The following SMG6 variants were observed in gnomAD, a reference collection of about 807,000 sequenced individuals.
The protein encoded by SMG6 is telomerase-binding protein EST1A.
SMG6 carries 66 observed loss-of-function variants against 142.2 expected under a neutral mutation model. The ratio of observed to expected loss-of-function variants is 0.46; its 90% CI spans 0.38 to 0.57. The LOEUF (loss-of-function observed/expected upper bound fraction) is 0.57. Among genes scored for constraint, SMG6 ranks in the 20% least tolerant of loss-of-function variants. SMG6 has a pLI of 0.00. For synonymous variants in SMG6, 779 were observed against 702.4 expected, an observed-to-expected ratio of 1.11 and a Z score of -1.72; for missense variants, 1,793 against 1,832.0, an observed-to-expected ratio of 0.98 and a Z score of 0.39.
intron 9 of SMG6, among the ~76,000 whole-genome samples, chr17:2,239,727 A>G (rs753553088): frequency 6.6e-6 from 1 of 152,226 alleles, no homozygotes; most frequent in Non-Finnish European, 1.5e-5. Flanking sequence ...AAAGAAAGAA[A>G]AGATTTCTCC....
At chr17:2,282,390 CAAAAAA>C (rs576759563) in intron 8 of SMG6, among the ~76,000 whole-genome samples, 7 of 84,526 alleles carry the variant, frequency 8.3e-5, no homozygotes, top group South Asian at 4.3e-4. Context: ...CAAAAAGCAG[CAAAAAA>C]AAAAAAAAAA....
intron 8 of SMG6, among the ~76,000 whole-genome samples, chr17:2,246,238 T>G (rs1005608289): frequency 2.0e-5 from 3 of 152,186 alleles, no homozygotes; most frequent in Admixed American, 6.5e-5. Context: ...CTAAACCTCC[T>G]TGTCATCTTC....
At chr17:2,188,745 C>G (rs1404897519) in intron 10 of SMG6, among the ~76,000 whole-genome samples, 2 of 152,164 alleles carry the variant, frequency 1.3e-5, no homozygotes, top group Admixed American at 1.3e-4. Context: ...AATTCTACAT[C>G]ACTTTCCCAG....
At chr17:2,118,157 C>G (rs2069564854) in intron 13 of SMG6, among the ~76,000 whole-genome samples, 1 of 152,102 alleles carries the variant, frequency 6.6e-6, no homozygotes, top group Non-Finnish European at 1.5e-5. Context: ...GTGGGAGGAT[C>G]ACTTGAGCCT....
Position 2,065,594 on chromosome 17 carries a change from G to A in SMG6, c.3921C>T (p.Ala1307=). The change falls in exon 17 of 19, where the codon GCC becomes GCT. Residue 1307 remains alanine, a synonymous_variant. Coordinates refer to ENST00000263073, the MANE Select transcript of SMG6 (RefSeq NM_017575.5). ...GCTCGAGGAACTCGATGGACTTGCG[G>A]GCCTTCTCTTGTACCACACGGGCGT... The part of the protein sequence containing the change: ...GGYARVVQEK[A]RKSIEFLEQR... The A allele has an allele frequency of 6.2e-7, 1 of 1,614,114 alleles. No homozygotes were observed. Among genetic ancestry groups the A allele is most frequent in the Non-Finnish European group, 8.5e-7 (1 of 1,180,034 alleles).
At chr17:2,193,010 G>C (rs1433774142) in intron 10 of SMG6, among the ~76,000 whole-genome samples, 1 of 152,234 alleles carries the variant, frequency 6.6e-6, no homozygotes, top group East Asian at 1.9e-4. Context: ...GGCTGACTGA[G>C]TGTAAAGCAA....
At chr17:2,127,229 A>G (rs1288199120) in intron 13 of SMG6, among the ~76,000 whole-genome samples, 1 of 151,912 alleles carries the variant, frequency 6.6e-6, no homozygotes, top group Non-Finnish European at 1.5e-5. Flanking sequence ...GCTAGAAAGT[A>G]GAAGTTGCCA....
At chr17:2,141,366 C>T (rs2070474715) in intron 13 of SMG6, among the ~76,000 whole-genome samples, 1 of 152,158 alleles carries the variant, frequency 6.6e-6, no homozygotes, top group South Asian at 2.1e-4. Flanking sequence ...AAAAAACAGA[C>T]TTTGTGATTT....
chr17:2,160,377 C>A (rs1297160274), intron 13 of SMG6, among the ~76,000 whole-genome samples: 1 of 152,084 alleles, frequency 6.6e-6, no homozygotes, highest in East Asian at 1.9e-4. Flanking sequence ...CACAACCAAA[C>A]CTGGTTAATT....
Position 2,170,158 on chromosome 17 carries a change from T to C in SMG6, c.3357+2500A>G, listed in dbSNP as rs549471867. 2.6e-5 allele frequency among the ~76,000 whole-genome samples: 4 copies of C among 152,252 alleles called. No homozygotes were observed. The East Asian group carries it at 7.7e-4, about 29-fold the overall frequency. ...GGATTTGGACATGTTAGGTTTGACATACCTATTTCACAGTCGTTGAAGTGG... is the reference window on the plus strand; with the variant it reads ...GGATTTGGACATGTTAGGTTTGACACACCTATTTCACAGTCGTTGAAGTGG... On this transcript the variant is annotated intron_variant, in intron 13 of 18. Coordinates refer to ENST00000263073, the MANE Select transcript of SMG6 (RefSeq NM_017575.5).
At chr17:2,119,473 C>T (rs2069615040) in intron 13 of SMG6, among the ~76,000 whole-genome samples, 2 of 152,026 alleles carry the variant, frequency 1.3e-5, no homozygotes. Flanking sequence ...GGATTATAGG[C>T]ATTAGTCACC....
At chr17:2,063,845 C>A (rs1268462967) in intron 18 of SMG6, among the ~76,000 whole-genome samples, 1 of 151,964 alleles carries the variant, frequency 6.6e-6, no homozygotes, top group African/African-American at 2.4e-5. Context: ...AAGGTGGCCT[C>A]GGGTGAGGGG....
chr17:2,262,547 T>C (rs1472558554), intron 8 of SMG6, among the ~76,000 whole-genome samples: 1 of 152,192 alleles, frequency 6.6e-6, no homozygotes, highest in East Asian at 1.9e-4. Context: ...TCCATGTTGT[T>C]CCTTCTGCCA....
chr17:2,175,038 A>G (rs1318662699), intron 12 of SMG6, among the ~76,000 whole-genome samples: 2 of 152,212 alleles, frequency 1.3e-5, no homozygotes, highest in East Asian at 3.9e-4. Context: ...AGGGCTGCTC[A>G]GGGCCGCCTC....
intron 8 of SMG6, among the ~76,000 whole-genome samples, chr17:2,249,583 C>G (rs1044681115): frequency 3.3e-5 from 5 of 152,190 alleles, no homozygotes; most frequent in Admixed American, 2.0e-4. Flanking sequence ...TTTGGCTTCC[C>G]AAAGTGCTCA....
chr17:2,083,219 T>C (rs1014501453), intron 14 of SMG6, among the ~76,000 whole-genome samples: 2 of 152,196 alleles, frequency 1.3e-5, no homozygotes, highest in African/African-American at 4.8e-5. Context: ...CTAGATCTGT[T>C]CAGTACAGAC....
chr17:2,194,710 A>AC (rs1237518363), intron 10 of SMG6, among the ~76,000 whole-genome samples: 6 of 146,390 alleles, frequency 4.1e-5, no homozygotes, highest in Admixed American at 2.7e-4. Context: ...AACAAAACAA[A>AC]ACAAAAAAAA....
intron 10 of SMG6, among the ~76,000 whole-genome samples, chr17:2,230,873 C>G (rs1427206936): frequency 6.6e-6 from 1 of 152,156 alleles, no homozygotes; most frequent in Non-Finnish European, 1.5e-5. Context: ...TGGCTCTGTT[C>G]ATTTTCTCTA....
intron 10 of SMG6, chr17:2,216,006 C>T (rs2073007955): frequency 6.6e-6 from 1 of 152,296 alleles, no homozygotes; most frequent in African/African-American, 2.4e-5. Context: ...CAGGGCCTTA[C>T]ACCAGCTGCA....
Sources: allele counts gnomAD v4.1 joint callset (sites outside exome capture counted in the v4.1 genomes callset), GRCh38; gene constraint gnomAD v4.1.1; transcripts MANE v1.5; gene names NCBI Gene and HGNC (gene_info 2026-07-23, HGNC 2026-07-21).